Variants in PAK3 observed in about 807,000 individuals in gnomAD.
PAK3 encodes p21 (RAC1) activated kinase 3.
PAK3 carries 4 observed loss-of-function variants against 41.0 expected under a neutral mutation model. The observed-to-expected ratio is 0.10, with a 90% confidence interval of 0.05 to 0.22. PAK3 has a LOEUF of 0.22. Among genes scored for constraint, PAK3 ranks in the 10% least tolerant of loss-of-function variants. The probability of loss-of-function intolerance (pLI) is 1.00; values close to 1 mark genes in which losing one functional copy is unlikely to be tolerated. For synonymous variants in PAK3, 146 were observed against 139.6 expected (o/e 1.05, Z -0.32); for missense variants, 205 against 409.9 (o/e 0.50, Z 4.32).
chrX:111,162,834 A>T, intron 8 of PAK3, 81 bp from the exon 9 acceptor site: 12 of 916,872 alleles, frequency 1.3e-5, no homozygotes, highest in African/African-American at 3.8e-5. Context: ...ATGCTTAAAT[A>T]TTTCATTTCC....
intron 1 of PAK3, among the ~76,000 whole-genome samples, chrX:110,984,254 G>A (rs889361492): frequency 8.9e-5 from 10 of 112,045 alleles, no homozygotes; most frequent in African/African-American, 3.2e-4. Context: ...TGACAACAGC[G>A]GAAGAGAGCC....
At position 111,223,163 on chromosome X, in the gene PAK3, G is replaced by A. The variant is rs765342559; in HGVS notation, c.*2716G>A. 97 of 111,067 alleles carry A rather than the reference G, an allele frequency of 8.7e-4. 1 individual carries two copies. Among genetic ancestry groups the A allele is most frequent in the African/African-American group, 3.0e-3 (92 of 30,552 alleles). The allele number at this position is 111,067 out of a possible 1,213,427, so 9.2% of individuals were successfully genotyped here. On this transcript the variant is annotated 3_prime_UTR_variant, in exon 18 of 18. Coordinates refer to ENST00000372007, the MANE Select transcript of PAK3 (RefSeq NM_002578.5). ...TTTTTAAGCTCATCTTGACACAGGT[G>A]AGTCTATCCAAATCTTTGATGTTGC... is the stretch of plus-strand genomic sequence containing the variant.
intron 16 of PAK3, among the ~76,000 whole-genome samples, chrX:111,208,241 A>G (rs769756143): frequency 1.3e-3 from 146 of 113,168 alleles, no homozygotes; most frequent in Non-Finnish European, 2.1e-3. Context: ...GTTACAAAGG[A>G]GTCAAAAAGT....
intron 3 of PAK3, among the ~76,000 whole-genome samples, chrX:111,100,845 A>G (rs901456817): frequency 9.0e-6 from 1 of 111,317 alleles, no homozygotes. Context: ...GGGTATGTAC[A>G]AGATGTGTGC....
At chrX:110,986,877 G>A (rs190463240) in intron 1 of PAK3, among the ~76,000 whole-genome samples, 1 of 111,150 alleles carries the variant, frequency 9.0e-6, no homozygotes, top group East Asian at 2.8e-4. Context: ...AAGGAAAGGG[G>A]TGAAAAATGT....
chrX:110,993,062 G>A (rs185458466), intron 1 of PAK3, among the ~76,000 whole-genome samples: 1 of 111,612 alleles, frequency 9.0e-6, no homozygotes, highest in Admixed American at 9.5e-5. Flanking sequence ...GTCTAAAATT[G>A]AACAGGAGAC....
chrX:111,087,149 G>C (rs1298389800), intron 1 of PAK3, among the ~76,000 whole-genome samples: 1 of 109,847 alleles, frequency 9.1e-6, no homozygotes, highest in African/African-American at 3.3e-5. Context: ...GTGTGTGTGT[G>C]TGTGTGTGTG....
intron 16 of PAK3, among the ~76,000 whole-genome samples, chrX:111,209,162 T>G (rs2094790616): frequency 9.0e-6 from 1 of 111,030 alleles, no homozygotes; most frequent in African/African-American, 3.3e-5. Flanking sequence ...CTTGTCTGCC[T>G]TTTCTAGGAG....
At chrX:111,023,677 G>A (rs775327370) in intron 1 of PAK3, among the ~76,000 whole-genome samples, 5 of 112,176 alleles carry the variant, frequency 4.5e-5, no homozygotes, top group African/African-American at 1.6e-4. Flanking sequence ...TTTGTTAGCT[G>A]CATAAATGTC....
rs373432027 is a variant in PAK3, at chrX:111,172,385, A to G, written c.767-633A>G. Among the ~76,000 whole-genome samples the G allele has an allele frequency of 2.3e-4, 26 of 111,815 alleles. No homozygotes were observed. The East Asian group carries it at 6.5e-3, about 28-fold the overall frequency. On this transcript the variant is annotated intron_variant, in intron 10 of 17. Coordinates refer to ENST00000372007, the MANE Select transcript of PAK3 (RefSeq NM_002578.5). The stretch of plus-strand genomic sequence containing the variant: ...TTTTGTTATAGATTAAAGGGTACAC[A>G]TGCAGGTTTGTTACATGGGTAAATT...
At chrX:111,060,123 A>G (rs2092643053) in intron 1 of PAK3, among the ~76,000 whole-genome samples, 1 of 111,046 alleles carries the variant, frequency 9.0e-6, no homozygotes, top group South Asian at 3.8e-4. Flanking sequence ...TTGTTTGTTG[A>G]ATTTTTTTTA....
chrX:111,115,219 C>T (rs747533923), intron 4 of PAK3, among the ~76,000 whole-genome samples: 9 of 112,170 alleles, frequency 8.0e-5, no homozygotes, highest in African/African-American at 2.6e-4. Flanking sequence ...AGCATTGAGC[C>T]ACTTGCAAAT....
chrX:111,179,006 T>A (rs1469409250), intron 11 of PAK3, among the ~76,000 whole-genome samples: 1 of 100,698 alleles, frequency 9.9e-6, no homozygotes, highest in Non-Finnish European at 2.0e-5. Context: ...TGTATATCTA[T>A]ATATCTATAT....
At chrX:110,957,708 T>C (rs2090893544) in intron 1 of PAK3, among the ~76,000 whole-genome samples, 1 of 111,502 alleles carries the variant, frequency 9.0e-6, no homozygotes, top group South Asian at 3.8e-4. Flanking sequence ...TTTCATGCCT[T>C]GCTCATGGTG....
At chrX:110,995,971 C>G (rs2091732604) in intron 1 of PAK3, among the ~76,000 whole-genome samples, 1 of 112,000 alleles carries the variant, frequency 8.9e-6, no homozygotes, top group African/African-American at 3.2e-5. Context: ...GAAAAGCCTT[C>G]CCTGTGCACC....
intron 8 of PAK3, among the ~76,000 whole-genome samples, chrX:111,155,899 G>A (rs2094101575): frequency 1.8e-5 from 2 of 111,966 alleles, no homozygotes; most frequent in African/African-American, 6.5e-5. Flanking sequence ...AAGTCTTGAA[G>A]GTTAAGGCGG....
At chrX:111,088,396 C>T (rs1317209408) in intron 1 of PAK3, among the ~76,000 whole-genome samples, 2 of 111,682 alleles carry the variant, frequency 1.8e-5, no homozygotes, top group Non-Finnish European at 3.8e-5. Flanking sequence ...TGCTGGACGT[C>T]TATGTAATAA....
intron 16 of PAK3, among the ~76,000 whole-genome samples, chrX:111,215,270 A>T (rs2094865647): frequency 8.9e-6 from 1 of 111,860 alleles, no homozygotes; most frequent in Non-Finnish European, 1.9e-5. Flanking sequence ...TTGTATCAAG[A>T]ACCTTCAGCT....
rs1446587885 is a variant in PAK3 at position 111,099,828 on chromosome X, C to T, written c.-176+2144C>T. ...GGCCTCAGTTTCCTTGTCTTTCAAA[C>T]GATGAACTTGGCACTAGTTGTTCTA... On this transcript the variant is annotated intron_variant, in intron 3 of 17. Coordinates refer to ENST00000372007, the MANE Select transcript of PAK3 (RefSeq NM_002578.5). 3.8e-5 allele frequency among the ~76,000 whole-genome samples: 4 copies of T among 104,819 alleles called. No homozygotes were observed. The East Asian group carries it at 1.3e-3, about 34-fold the overall frequency. The allele number at this position is 104,819 out of a possible 115,157, so 91.0% of individuals were successfully genotyped here.
Sources: gnomAD v4.1 joint callset for allele counts (sites outside exome capture counted in the v4.1 genomes callset) on GRCh38, gnomAD v4.1.1 for gene constraint, MANE v1.5 for transcripts, NCBI Gene and HGNC (gene_info 2026-07-23, HGNC 2026-07-21) for gene names.